The following LRRC3B variants were observed in gnomAD, a reference collection of about 807,000 sequenced individuals.
The protein encoded by LRRC3B is leucine-rich repeat-containing protein 3B.
Under a neutral mutation model 12.8 loss-of-function variants are expected in LRRC3B, and 2 were observed. The ratio of observed to expected loss-of-function variants is 0.16; its 90% confidence interval spans 0.06 to 0.49. The LOEUF is 0.49. LRRC3B is among the 20% of genes least tolerant of loss of function. The pLI, the probability that LRRC3B is intolerant of heterozygous loss-of-function variation, is 0.96. For missense variants in LRRC3B, 189 were observed against 319.4 expected, an observed-to-expected ratio of 0.59 and a Z score of 3.11; for synonymous variants, 132 against 122.0, an observed-to-expected ratio of 1.08 and a Z score of -0.54.
chr3:26,686,745 T>C (rs1248541554), intron 1 of LRRC3B, among the ~76,000 whole-genome samples: 1 of 152,130 alleles, frequency 6.6e-6, no homozygotes, highest in East Asian at 1.9e-4. Flanking sequence ...GGAGTACCCT[T>C]GGGATCAACA....
At chr3:26,704,420 AGAT>A (rs1318143731) in intron 1 of LRRC3B, among the ~76,000 whole-genome samples, 1 of 152,202 alleles carries the variant, frequency 6.6e-6, no homozygotes, top group East Asian at 1.9e-4. Flanking sequence ...ATTTTAATCT[AGAT>A]GATAAGTACT....
chr3:26,685,447 G>A (rs1700055826), intron 1 of LRRC3B, among the ~76,000 whole-genome samples: 1 of 143,982 alleles, frequency 6.9e-6, no homozygotes, highest in Non-Finnish European at 1.5e-5. Flanking sequence ...CTTAGTTTGT[G>A]GAAGGAGGAT....
chr3:26,704,261 A>G (rs1025241444), intron 1 of LRRC3B, among the ~76,000 whole-genome samples: 10 of 152,102 alleles, frequency 6.6e-5, no homozygotes, highest in African/African-American at 1.9e-4. Context: ...GGACATCTTT[A>G]TATCATCAAC....
At chr3:26,694,977 C>T (rs1029883467) in intron 1 of LRRC3B, among the ~76,000 whole-genome samples, 13 of 152,080 alleles carry the variant, frequency 8.5e-5, no homozygotes, top group East Asian at 1.9e-4. Context: ...CCCCCAGAAC[C>T]GTCCCCTAAA....
At chr3:26,630,874 C>T (rs1698742992) in intron 1 of LRRC3B, among the ~76,000 whole-genome samples, 1 of 151,970 alleles carries the variant, frequency 6.6e-6, no homozygotes, top group Non-Finnish European at 1.5e-5. Flanking sequence ...AAAGGGCTCT[C>T]AGTTGTTTTT....
At chr3:26,690,175 G>A (rs1415221800) in intron 1 of LRRC3B, among the ~76,000 whole-genome samples, 1 of 152,172 alleles carries the variant, frequency 6.6e-6, no homozygotes, top group Non-Finnish European at 1.5e-5. Context: ...CATGATTCTT[G>A]AAACTACCTC....
At chr3:26,695,287 G>T (rs977717746) in intron 1 of LRRC3B, among the ~76,000 whole-genome samples, 1 of 152,174 alleles carries the variant, frequency 6.6e-6, no homozygotes, top group Non-Finnish European at 1.5e-5. Context: ...CAGCACTTTG[G>T]GGGGCCGAGG....
chr3:26,682,345 C>T (rs78102979), intron 1 of LRRC3B, among the ~76,000 whole-genome samples: 2 of 152,266 alleles, frequency 1.3e-5, no homozygotes, highest in East Asian at 3.9e-4. Flanking sequence ...ATTACTGCCA[C>T]CTTTTTCCTG....
At chr3:26,692,638 TGTTA>T (rs559780106) in intron 1 of LRRC3B, among the ~76,000 whole-genome samples, 261 of 152,374 alleles carry the variant, frequency 1.7e-3, no homozygotes, top group African/African-American at 5.3e-3. Flanking sequence ...CATACTGTTC[TGTTA>T]GTTGTTAGTG....
chr3:26,627,101 T>C (rs771782756), intron 1 of LRRC3B, among the ~76,000 whole-genome samples: 1 of 152,218 alleles, frequency 6.6e-6, no homozygotes, highest in Non-Finnish European at 1.5e-5. Flanking sequence ...TCCGATAATA[T>C]TTGCCACTTC....
At chr3:26,659,241 C>T (rs1699442647) in intron 1 of LRRC3B, among the ~76,000 whole-genome samples, 1 of 152,316 alleles carries the variant, frequency 6.6e-6, no homozygotes, top group Non-Finnish European at 1.5e-5. Context: ...AGGTTAAGTA[C>T]GTTCCCTAAA....
chr3:26,676,832 C>A (rs141372166), intron 1 of LRRC3B, among the ~76,000 whole-genome samples: 4,784 of 152,296 alleles, frequency 0.031, 117 homozygotes, highest in South Asian at 0.048. Context: ...AGACTTGGAA[C>A]CAACCCAAAT....
chr3:26,639,405 T>G (rs192065365), intron 1 of LRRC3B, among the ~76,000 whole-genome samples: 95 of 152,176 alleles, frequency 6.2e-4, no homozygotes, highest in Admixed American at 6.2e-3. Context: ...AAATTTACAG[T>G]TGAAAAAAAC....
At chr3:26,674,724 A>C (rs1356228523) in intron 1 of LRRC3B, among the ~76,000 whole-genome samples, 2 of 152,184 alleles carry the variant, frequency 1.3e-5, no homozygotes, top group African/African-American at 4.8e-5. Flanking sequence ...GGGAAGCCCC[A>C]CAAACATCTC....
At chr3:26,710,384 T>C (rs1315880750) in exon 2 of LRRC3B, 1 of 1,614,066 alleles carries the variant, frequency 6.2e-7, no homozygotes, top group Admixed American at 1.7e-5. Flanking sequence ...ACACCTCGAA[T>C]ACTTGAAATC....
At chr3:26,659,936 A>T (rs1017708167) in intron 1 of LRRC3B, among the ~76,000 whole-genome samples, 3 of 152,198 alleles carry the variant, frequency 2.0e-5, no homozygotes, top group Non-Finnish European at 4.4e-5. Context: ...TCACCATAGA[A>T]TTGTGCTCTC....
rs1377078076 is a variant in LRRC3B, at chr3:26,693,327, TCAAAAAAAAA to T, written c.-160-16185_-160-16176del. Among the ~76,000 whole-genome samples the T allele has an allele frequency of 1.1e-4, 6 of 56,134 alleles. No individual in the cohort carries two copies. In the East Asian group the frequency reaches 3.1e-3, roughly 29 times the overall value. 36.8% of individuals were successfully genotyped at this position (56,134 alleles called of 152,430 possible). On this transcript the variant is annotated intron_variant, in intron 1 of 1. Coordinates refer to ENST00000396641, the Ensembl canonical transcript of LRRC3B. ...CTGGGCGACAGAGCGAAACTCCGTC[TCAAAAAAAAA>T]AAAAAAAAAAAAAAAGATCAAGAGC... is the stretch of plus-strand genomic sequence containing the variant.
At chr3:26,681,296 T>C (rs1366255139) in intron 1 of LRRC3B, among the ~76,000 whole-genome samples, 1 of 152,226 alleles carries the variant, frequency 6.6e-6, no homozygotes, top group Non-Finnish European at 1.5e-5. Flanking sequence ...CTATTTAATA[T>C]GTAGTTTTAA....
intron 1 of LRRC3B, among the ~76,000 whole-genome samples, chr3:26,683,311 C>G (rs1277175399): frequency 6.6e-6 from 1 of 152,218 alleles, no homozygotes; most frequent in Non-Finnish European, 1.5e-5. Context: ...CATTTCAGTA[C>G]CACAACCATC....
Sources: allele counts gnomAD v4.1 joint callset (sites outside exome capture counted in the v4.1 genomes callset), GRCh38; gene constraint gnomAD v4.1.1; transcripts MANE v1.5; gene names NCBI Gene and HGNC (gene_info 2026-07-23, HGNC 2026-07-21).